CNTN4: variants seen among roughly 807,000 people sequenced by gnomAD.
CNTN4 encodes contactin 4, also known as contactin-4.
A neutral mutation model predicts 122.5 loss-of-function variants in CNTN4; 77 were observed. The observed-to-expected ratio is 0.63, with a 90% CI of 0.52 to 0.76. The LOEUF (loss-of-function observed/expected upper bound fraction) is 0.76, where lower values mean the gene tolerates loss of function less well. CNTN4 is among the 30% of genes least tolerant of loss of function. The pLI, the probability that CNTN4 is intolerant of heterozygous loss-of-function variation, is 0.00. For synonymous variants in CNTN4, 512 were observed against 447.0 expected (o/e 1.15, Z -1.83); for missense variants, 1,256 against 1,259.1 (o/e 1.00, Z 0.04).
chr3:2,620,822 T>C (rs2081962624), intron 4 of CNTN4, among the ~76,000 whole-genome samples: 1 of 152,166 alleles, frequency 6.6e-6, no homozygotes, highest in Admixed American at 6.5e-5. Flanking sequence ...CACAAAGCAC[T>C]CTAATTCCAG....
chr3:2,822,365 A>G (rs565722765), intron 7 of CNTN4, among the ~76,000 whole-genome samples: 1 of 152,314 alleles, frequency 6.6e-6, no homozygotes, highest in African/African-American at 2.4e-5. Context: ...ATCCCTATTG[A>G]TTCTATCAAC....
intron 6 of CNTN4, among the ~76,000 whole-genome samples, chr3:2,752,999 A>T (rs561818643): frequency 2.0e-5 from 3 of 152,152 alleles, no homozygotes; most frequent in African/African-American, 7.2e-5. Flanking sequence ...TGTATACTTC[A>T]TTTTCTTGAT....
intron 4 of CNTN4, among the ~76,000 whole-genome samples, chr3:2,593,045 T>G (rs986400111): frequency 6.6e-6 from 1 of 152,208 alleles, no homozygotes; most frequent in African/African-American, 2.4e-5. Context: ...CTACCTAATT[T>G]GAGAATACAT....
At chr3:2,598,037 T>G (rs917397231) in intron 4 of CNTN4, among the ~76,000 whole-genome samples, 2 of 152,212 alleles carry the variant, frequency 1.3e-5, no homozygotes, top group African/African-American at 4.8e-5. Flanking sequence ...AGAATTGATT[T>G]TTGTAATTCT....
intron 2 of CNTN4, among the ~76,000 whole-genome samples, chr3:2,308,243 CTGT>C (rs1040747629): frequency 1.3e-5 from 2 of 151,866 alleles, no homozygotes; most frequent in African/African-American, 2.4e-5. Flanking sequence ...TCTGTAAATT[CTGT>C]TGTTATCCCC....
chr3:2,128,858 C>T (rs1390359922), intron 2 of CNTN4, among the ~76,000 whole-genome samples: 2 of 152,174 alleles, frequency 1.3e-5, no homozygotes, highest in Non-Finnish European at 2.9e-5. Flanking sequence ...GTTTCCTCAA[C>T]GTATAGTGAG....
Position 2,862,045 on chromosome 3 carries a change from G to T in CNTN4, c.455-4707G>T, listed in dbSNP as rs920817316. Among the ~76,000 whole-genome samples the T allele has an allele frequency of 1.3e-5, 2 of 152,188 alleles. 1 individual carries two copies. Among genetic ancestry groups the T allele is most frequent in the South Asian group, 4.1e-4 (2 of 4,830 alleles). On this transcript the variant is annotated intron_variant, in intron 7 of 24. Transcript: ENST00000418658. ...TGCCACTTGTCAAATGTGTGATCATGATCCACTCATACAGTTTCTCTAGAC... is the reference window on the plus strand; with the variant it reads ...TGCCACTTGTCAAATGTGTGATCATTATCCACTCATACAGTTTCTCTAGAC...
intron 6 of CNTN4, among the ~76,000 whole-genome samples, chr3:2,812,580 G>GT (rs1039229704): frequency 2.7e-5 from 4 of 149,814 alleles, no homozygotes; most frequent in South Asian, 2.1e-4. Context: ...TTGTTTTTTT[G>GT]TTTTTTTGCC....
At chr3:2,895,089 C>G (rs957982582) in intron 10 of CNTN4, among the ~76,000 whole-genome samples, 2 of 152,180 alleles carry the variant, frequency 1.3e-5, no homozygotes, top group Non-Finnish European at 2.9e-5. Flanking sequence ...GATTCTCGCG[C>G]CTCAGCCTCC....
At chr3:2,101,348 G>A (rs531405871) in intron 2 of CNTN4, among the ~76,000 whole-genome samples, 2 of 152,190 alleles carry the variant, frequency 1.3e-5, no homozygotes, top group South Asian at 4.2e-4. Context: ...TCCCATGCAT[G>A]GTACTGACTT....
intron 2 of CNTN4, among the ~76,000 whole-genome samples, chr3:2,274,128 A>G (rs917281973): frequency 1.3e-5 from 2 of 152,282 alleles, no homozygotes; most frequent in Admixed American, 1.3e-4. Context: ...CACGCTTGTA[A>G]TCCCAGCACT....
intron 2 of CNTN4, among the ~76,000 whole-genome samples, chr3:2,276,233 C>T (rs894956153): frequency 6.6e-6 from 1 of 151,874 alleles, no homozygotes; most frequent in African/African-American, 2.4e-5. Flanking sequence ...AGTACAGTGG[C>T]ACCATCTTGG....
chr3:2,666,347 T>G (rs1473602804), intron 4 of CNTN4, among the ~76,000 whole-genome samples: 1 of 152,212 alleles, frequency 6.6e-6, no homozygotes, highest in Non-Finnish European at 1.5e-5. Flanking sequence ...TTTATGATTC[T>G]TCAAATAGGT....
intron 4 of CNTN4, among the ~76,000 whole-genome samples, chr3:2,646,263 C>G (rs1444329976): frequency 6.6e-6 from 1 of 152,104 alleles, no homozygotes; most frequent in African/African-American, 2.4e-5. Context: ...CACTATCAAT[C>G]AAAATGAATA....
intron 2 of CNTN4, among the ~76,000 whole-genome samples, chr3:2,167,185 A>T (rs528597714): frequency 9.2e-4 from 140 of 152,180 alleles, no homozygotes; most frequent in South Asian, 6.6e-3. Context: ...TTAAAAGAAG[A>T]CTTTTTTTTT....
chr3:2,385,428 T>C lies in CNTN4; in HGVS notation c.-89+46195T>C, dbSNP rs990397518. Reference sequence around the variant, plus strand: ...TATTACCTGAGCAATATTCCTGGTGTCTTGTTCATAGCAGATGCTTGTATT... The same window carrying C: ...TATTACCTGAGCAATATTCCTGGTGCCTTGTTCATAGCAGATGCTTGTATT... On this transcript the variant is annotated intron_variant, in intron 3 of 24. Coordinates refer to ENST00000418658, the MANE Select transcript of CNTN4 (RefSeq NM_175607.3). This position sits in a 1 kb window ranked among gnomAD's most constrained non-coding sequence, Gnocchi z 4.0. 2.6e-5 allele frequency among the ~76,000 whole-genome samples: 4 copies of C among 152,098 alleles called. No individual in the cohort carries two copies. Among genetic ancestry groups the C allele is most frequent in the South Asian group, 2.1e-4 (1 of 4,830 alleles).
intron 2 of CNTN4, among the ~76,000 whole-genome samples, chr3:2,119,011 G>C (rs1262792017): frequency 6.6e-6 from 1 of 152,158 alleles, no homozygotes; most frequent in Admixed American, 6.5e-5. Context: ...AACATGTCTG[G>C]ATGATGCTGT....
At chr3:2,099,764 C>T (rs2031743387) in intron 1 of CNTN4, 1 of 152,344 alleles carries the variant, frequency 6.6e-6, no homozygotes, top group Non-Finnish European at 1.5e-5. Flanking sequence ...CCCGTCCCCT[C>T]CCCGGGCCCA....
At chr3:2,587,418 A>G (rs1198719851) in intron 4 of CNTN4, among the ~76,000 whole-genome samples, 3 of 152,256 alleles carry the variant, frequency 2.0e-5, no homozygotes, top group East Asian at 3.8e-4. Context: ...TATTATTTGC[A>G]CACAAATGAT....
Sources: allele counts gnomAD v4.1 joint callset (sites outside exome capture counted in the v4.1 genomes callset), GRCh38; gene constraint gnomAD v4.1.1; non-coding constraint Gnocchi (gnomAD v3.1); transcripts MANE v1.5; gene names NCBI Gene and HGNC (gene_info 2026-07-23, HGNC 2026-07-21).